The following AMPH variants were observed in gnomAD, a reference collection of about 807,000 sequenced individuals.
AMPH encodes the protein amphiphysin, also known as amphiphysin (Stiff-Mann syndrome with breast cancer 128kD autoantigen).
A neutral mutation model predicts 99.1 loss-of-function variants in AMPH; 49 were observed. That is an observed-to-expected ratio of 0.49 (90% CI 0.39 to 0.63). AMPH has a LOEUF of 0.63. Among genes scored for constraint, AMPH ranks in the 20% least tolerant of loss-of-function variants. The probability of loss-of-function intolerance (pLI) is 0.00; values close to 1 mark genes in which losing one functional copy is unlikely to be tolerated. For synonymous variants in AMPH, 314 were observed against 317.3 expected (o/e 0.99, Z 0.11); for missense variants, 759 against 863.4 (o/e 0.88, Z 1.52).
intron 1 of AMPH, among the ~76,000 whole-genome samples, chr7:38,549,085 A>G (rs539735094): frequency 6.6e-6 from 1 of 152,310 alleles, no homozygotes; most frequent in Admixed American, 6.5e-5. Flanking sequence ...TAGAAAAGCA[A>G]TGATTTAGGG....
intron 2 of AMPH, among the ~76,000 whole-genome samples, chr7:38,525,277 T>TAGAGAGAGAGAGAG (rs66462162): frequency 1.0e-4 from 9 of 86,650 alleles, no homozygotes; most frequent in Admixed American, 2.4e-4. Flanking sequence ...TATATATATA[T>TAGAGAGAGAGAGAG]AGAGAGAGAG....
At chr7:38,559,253 A>C (rs566452076) in intron 1 of AMPH, among the ~76,000 whole-genome samples, 14 of 152,368 alleles carry the variant, frequency 9.2e-5, no homozygotes, top group African/African-American at 3.4e-4. Flanking sequence ...TTCTCTCCTG[A>C]TTATGGCAAC....
chr7:38,472,813 A>T (rs571934196), intron 7 of AMPH, among the ~76,000 whole-genome samples: 22 of 152,210 alleles, frequency 1.4e-4, no homozygotes, highest in Admixed American at 2.6e-4. Flanking sequence ...ACTGCGTATG[A>T]CCAGAAAAGG....
chr7:38,445,010 T>TATATATATATATATATATACACACAC (rs1458295332), intron 11 of AMPH, among the ~76,000 whole-genome samples: 81 of 125,940 alleles, frequency 6.4e-4, no homozygotes, highest in East Asian at 4.4e-3. Context: ...TATATATATA[T>TATATATATATATATATATACACACAC]ACACACACAC....
chr7:38,587,252 A>G (rs1466521301), intron 1 of AMPH, among the ~76,000 whole-genome samples: 2 of 152,178 alleles, frequency 1.3e-5, no homozygotes, highest in African/African-American at 4.8e-5. Context: ...CACCTTTAAT[A>G]TTAGGAAACA....
chr7:38,486,353 C>G (rs1788493385), intron 5 of AMPH, among the ~76,000 whole-genome samples: 1 of 151,542 alleles, frequency 6.6e-6, no homozygotes, highest in Non-Finnish European at 1.5e-5. Flanking sequence ...AGATAAATTA[C>G]TAGATACATA....
intron 7 of AMPH, among the ~76,000 whole-genome samples, chr7:38,467,772 A>C (rs551344237): frequency 6.6e-6 from 1 of 152,174 alleles, no homozygotes; most frequent in South Asian, 2.1e-4. Context: ...GGCATACATG[A>C]TTACATATCA....
At chr7:38,552,228 T>C (rs1791204419) in intron 1 of AMPH, among the ~76,000 whole-genome samples, 1 of 152,182 alleles carries the variant, frequency 6.6e-6, no homozygotes, top group South Asian at 2.1e-4. Flanking sequence ...TGGAGGGAAC[T>C]CTGGGCCACA....
chr7:38,411,715 C>T (rs149689293), intron 17 of AMPH, among the ~76,000 whole-genome samples: 14 of 152,068 alleles, frequency 9.2e-5, no homozygotes, highest in Admixed American at 9.2e-4. Context: ...TGGGGTGGGA[C>T]TGGGCTTCAT....
At chr7:38,560,984 C>A (rs577573458) in intron 1 of AMPH, among the ~76,000 whole-genome samples, 1 of 152,306 alleles carries the variant, frequency 6.6e-6, no homozygotes, top group South Asian at 2.1e-4. Flanking sequence ...CTTTAAAAAC[C>A]CATGCTTTCA....
chr7:38,392,163 C>T (rs1784521377), intron 18 of AMPH, 146 bp from the exon 19 acceptor site: 2 of 741,358 alleles, frequency 2.7e-6, no homozygotes, highest in Non-Finnish European at 4.3e-6. Context: ...TCTGGGCCTT[C>T]CGCTGTGCCA....
At chr7:38,470,740 T>G (rs1787852440) in intron 7 of AMPH, among the ~76,000 whole-genome samples, 1 of 152,122 alleles carries the variant, frequency 6.6e-6, no homozygotes, top group Non-Finnish European at 1.5e-5. Context: ...AGACTTAGCT[T>G]AATAGACATA....
At chr7:38,620,024 C>T (rs1793998291) in intron 1 of AMPH, among the ~76,000 whole-genome samples, 1 of 152,052 alleles carries the variant, frequency 6.6e-6, no homozygotes, top group Non-Finnish European at 1.5e-5. Context: ...TTGGGAGATC[C>T]TCCCAAGGTT....
intron 3 of AMPH, among the ~76,000 whole-genome samples, chr7:38,496,009 C>T (rs1584167755): frequency 6.6e-6 from 1 of 152,110 alleles, no homozygotes; most frequent in African/African-American, 2.4e-5. Flanking sequence ...AGACTCTCCC[C>T]GACAGCCGGA....
chr7:38,419,183 C>A (rs1785497960), intron 16 of AMPH, among the ~76,000 whole-genome samples: 1 of 152,074 alleles, frequency 6.6e-6, no homozygotes, highest in Non-Finnish European at 1.5e-5. Context: ...CATAAGCAAT[C>A]AAAACACACC....
intron 1 of AMPH, among the ~76,000 whole-genome samples, chr7:38,625,526 A>C (rs2129072280): frequency 6.6e-6 from 1 of 152,340 alleles, no homozygotes; most frequent in Middle Eastern, 3.4e-3. Flanking sequence ...TAAGAAAGTA[A>C]AAAAGCAAGG....
intron 1 of AMPH, among the ~76,000 whole-genome samples, chr7:38,569,441 AAAG>A (rs1302802932): frequency 3.9e-5 from 6 of 152,112 alleles, no homozygotes; most frequent in Non-Finnish European, 7.4e-5. Context: ...CTTTGTATCT[AAAG>A]AAAACAAACA....
chr7:38,391,997 C>T lies in AMPH; in HGVS notation c.1629G>A (p.Val543=), dbSNP rs140004277. ...CATGGTTGGAGGCAGGCTCTATGAC[C>T]ACCGAAGGAATGACCTTCTCCTGGG... ...TVPQEKVIPS[V]VIEPASNHEE... The change falls in exon 19 of 21, where the codon GTG becomes GTA. Residue 543 remains valine (V), a synonymous_variant. Coordinates refer to ENST00000356264, the MANE Select transcript of AMPH (RefSeq NM_001635.4). The T allele has an allele frequency of 1.2e-6, 2 of 1,606,904 alleles. No homozygotes were observed. Among genetic ancestry groups the T allele is most frequent in the Non-Finnish European group, 1.7e-6 (2 of 1,179,988 alleles).
intron 1 of AMPH, among the ~76,000 whole-genome samples, chr7:38,606,045 G>C (rs1378864185): frequency 6.6e-6 from 1 of 152,174 alleles, no homozygotes; most frequent in Non-Finnish European, 1.5e-5. Context: ...AGTGCTCAGA[G>C]AGATTGTGGA....
Sources: gnomAD v4.1 joint callset for allele counts (sites outside exome capture counted in the v4.1 genomes callset) on GRCh38, gnomAD v4.1.1 for gene constraint, MANE v1.5 for transcripts, NCBI Gene and HGNC (gene_info 2026-07-23, HGNC 2026-07-21) for gene names.